Variants in ZMYM4 observed in about 807,000 individuals in gnomAD.
The protein encoded by ZMYM4 is zinc finger MYM-type protein 4.
In ZMYM4, 31 loss-of-function variants were observed where a neutral mutation model predicts 183.2. That is an observed-to-expected ratio of 0.17 (90% confidence interval 0.13 to 0.23). The LOEUF (loss-of-function observed/expected upper bound fraction) is 0.23. Among genes scored for constraint, ZMYM4 ranks in the 10% least tolerant of loss-of-function variants. ZMYM4 has a pLI of 1.00. For missense variants in ZMYM4, 1,273 were observed against 1,840.3 expected (o/e 0.69, Z 5.64); for synonymous variants, 592 against 631.2 (o/e 0.94, Z 0.93).
chr1:35,396,124 T>C (rs1260730212), intron 18 of ZMYM4, among the ~76,000 whole-genome samples: 1 of 152,240 alleles, frequency 6.6e-6, no homozygotes, highest in Admixed American at 6.5e-5. Flanking sequence ...AATTAATCTT[T>C]TTTGATGTCA....
At chr1:35,269,161 T>C in intron 1 of ZMYM4, 76 bp downstream of exon 1, 2 of 1,524,274 alleles carry the variant, frequency 1.3e-6, no homozygotes, top group Non-Finnish European at 1.8e-6. Flanking sequence ...CATACTCAGG[T>C]TCGTGGAGGG....
chr1:35,340,063 A>C (rs1270080612), intron 2 of ZMYM4, among the ~76,000 whole-genome samples: 1 of 152,224 alleles, frequency 6.6e-6, no homozygotes, highest in Admixed American at 6.5e-5. Context: ...TGTTTTGCCT[A>C]TTCTTGCCCC....
intron 1 of ZMYM4, among the ~76,000 whole-genome samples, chr1:35,282,493 T>C (rs1640223298): frequency 6.6e-6 from 1 of 152,228 alleles, no homozygotes; most frequent in African/African-American, 2.4e-5. Context: ...AACAGACTAG[T>C]ACAGGTATGT....
At chr1:35,307,370 G>C (rs1479321345) in intron 1 of ZMYM4, among the ~76,000 whole-genome samples, 1 of 151,826 alleles carries the variant, frequency 6.6e-6, no homozygotes, top group East Asian at 1.9e-4. Flanking sequence ...CCTGTACCTT[G>C]GTACAGTGTC....
intron 2 of ZMYM4, among the ~76,000 whole-genome samples, chr1:35,328,454 AT>A (rs754078160): frequency 0.015 from 1,726 of 117,056 alleles, 26 homozygotes; most frequent in African/African-American, 0.047. Context: ...TAATTTTTTA[AT>A]TTTTTTTTTT....
chr1:35,358,887 G>C (rs1271300130), intron 2 of ZMYM4, 38 bp from the exon 3 acceptor site: 1 of 1,550,294 alleles, frequency 6.5e-7, no homozygotes, highest in Non-Finnish European at 8.8e-7. Context: ...GTCATCTTTA[G>C]CACTATCATT....
intron 1 of ZMYM4, among the ~76,000 whole-genome samples, chr1:35,322,003 A>G (rs1642302333): frequency 6.6e-6 from 1 of 151,898 alleles, no homozygotes; most frequent in African/African-American, 2.4e-5. Flanking sequence ...CATCAGTATA[A>G]TATAATAAGA....
At chr1:35,403,875 G>A (rs1418868653) in intron 23 of ZMYM4, among the ~76,000 whole-genome samples, 1 of 152,142 alleles carries the variant, frequency 6.6e-6, no homozygotes, top group Non-Finnish European at 1.5e-5. Context: ...TGGCTATTTA[G>A]GTTATCTGTT....
intron 1 of ZMYM4, among the ~76,000 whole-genome samples, chr1:35,282,113 ATTTG>A (rs1392635420): frequency 6.6e-6 from 1 of 152,204 alleles, no homozygotes; most frequent in Non-Finnish European, 1.5e-5. Flanking sequence ...GTATGTAAGT[ATTTG>A]TTTGAGTCCT....
intron 2 of ZMYM4, among the ~76,000 whole-genome samples, chr1:35,351,863 C>T (rs185874244): frequency 3.9e-5 from 6 of 152,212 alleles, no homozygotes; most frequent in Non-Finnish European, 5.9e-5. Context: ...CAAAGAATGG[C>T]GGTTGACTTT....
In ZMYM4 at chr1:35,393,722, A is replaced by G. The variant is rs573568676; in HGVS notation, c.2894A>G (p.Asn965Ser). Residue 965 changes from asparagine to serine, a missense_variant, in exon 18 of 30, where the codon AAC becomes AGC. By Grantham distance (46) the Asn-to-Ser change is conservative. Transcript: ENST00000314607. ...KATSCKPHTQ[N>S]KECQTEDTPS... is the part of the protein sequence containing the mutation. ...ACCTCTTGCAAACCACATACCCAAA[A>G]CAAAGAATGCCAGACAGGTATGTTC... is the stretch of plus-strand genomic sequence containing the variant. The G allele has an allele frequency of 6.2e-7, 1 of 1,608,090 alleles. No homozygotes were observed. Among genetic ancestry groups the G allele is most frequent in the African/African-American group, 1.3e-5 (1 of 74,752 alleles).
chr1:35,381,582 A>C lies in ZMYM4; in HGVS notation c.1393A>C (p.Lys465Gln), dbSNP rs1232481994. ...AGTTAATTACCAGAATGTGGTCCAT[A>C]AACTTTGCAGTGATGCCTGCTTCTC... is the stretch of plus-strand genomic sequence containing the variant. ...HEVNYQNVVH[K>Q]LCSDACFSKF... The change falls in exon 9 of 30, where the codon AAA becomes CAA. Residue 465 changes from lysine (K) to glutamine (Q), a missense_variant. Coordinates refer to ENST00000314607, the MANE Select transcript of ZMYM4 (RefSeq NM_005095.3). 6.2e-7 allele frequency: 1 copy of C among 1,614,106 alleles called. No individual in the cohort carries two copies. Among genetic ancestry groups the C allele is most frequent in the African/African-American group, 1.3e-5 (1 of 74,946 alleles).
intron 1 of ZMYM4, among the ~76,000 whole-genome samples, chr1:35,323,430 G>A (rs780043702): frequency 6.6e-6 from 1 of 152,224 alleles, no homozygotes; most frequent in Non-Finnish European, 1.5e-5. Context: ...CCTTGGGACA[G>A]TATTGTTCAA....
At chr1:35,376,163 T>C (rs1426791810) in intron 7 of ZMYM4, among the ~76,000 whole-genome samples, 2 of 152,186 alleles carry the variant, frequency 1.3e-5, no homozygotes, top group African/African-American at 4.8e-5. Flanking sequence ...ATTCTTGTTA[T>C]AATGATATTC....
chr1:35,344,459 G>A (rs1423689884), intron 2 of ZMYM4, among the ~76,000 whole-genome samples: 1 of 152,030 alleles, frequency 6.6e-6, no homozygotes, highest in African/African-American at 2.4e-5. Context: ...TGTTAAGTAG[G>A]TCATGAGATG....
At position 35,397,524 on chromosome 1, in the gene ZMYM4, A is replaced by AAGG. The variant is rs113590506; in HGVS notation, c.3180_3181insGAG (p.Lys1060_Lys1061insGlu). On this transcript the variant is annotated inframe_insertion, in exon 20 of 30. Transcript: ENST00000314607. ...AGAAATGATTGCAGAAGATGAAGAG[A>AAGG]AGAAGACTCTATCTCAGGGAGGTTG... is the stretch of plus-strand genomic sequence containing the variant. 5.3e-5 allele frequency: 85 copies of AAGG among 1,611,848 alleles called. 3 individuals carry two copies. The highest frequency in any genetic ancestry group is 5.1e-4 in the African/African-American group (38 of 74,900).
At chr1:35,293,452 T>G (rs1268274047) in intron 1 of ZMYM4, among the ~76,000 whole-genome samples, 1 of 152,038 alleles carries the variant, frequency 6.6e-6, no homozygotes, top group African/African-American at 2.4e-5. Context: ...TAGCTGAGAT[T>G]ACAGGCAATG....
chr1:35,358,213 G>T (rs1028777953), intron 2 of ZMYM4, among the ~76,000 whole-genome samples: 1 of 152,066 alleles, frequency 6.6e-6, no homozygotes, highest in Non-Finnish European at 1.5e-5. Flanking sequence ...AGATGAATGA[G>T]GGCATTGTAG....
intron 26 of ZMYM4, among the ~76,000 whole-genome samples, chr1:35,408,470 G>T (rs1267684380): frequency 6.6e-6 from 1 of 152,132 alleles, no homozygotes; most frequent in African/African-American, 2.4e-5. Context: ...AGGTGTGGTG[G>T]CTCACACCTG....
Sources: allele counts gnomAD v4.1 joint callset (sites outside exome capture counted in the v4.1 genomes callset), GRCh38; gene constraint gnomAD v4.1.1; transcripts MANE v1.5; gene names NCBI Gene and HGNC (gene_info 2026-07-23, HGNC 2026-07-21).